Variants in PPM1A observed in about 807,000 individuals in gnomAD.
The protein encoded by PPM1A is protein phosphatase, Mg2+/Mn2+ dependent 1A, also known as protein phosphatase 1A.
In PPM1A, 7 loss-of-function variants were observed where a neutral mutation model predicts 35.0. The ratio of observed to expected loss-of-function variants is 0.20; its 90% confidence interval spans 0.11 to 0.38. The LOEUF (loss-of-function observed/expected upper bound fraction) is 0.38. PPM1A is among the 10% of genes least tolerant of loss of function. The probability of loss-of-function intolerance (pLI) is 1.00; values close to 1 mark genes in which losing one functional copy is unlikely to be tolerated. For synonymous variants in PPM1A, 153 were observed against 167.3 expected, an observed-to-expected ratio of 0.91 and a Z score of 0.66; for missense variants, 239 against 467.8, an observed-to-expected ratio of 0.51 and a Z score of 4.51.
intron 2 of PPM1A, among the ~76,000 whole-genome samples, chr14:60,285,044 A>G (rs1376244015): frequency 1.3e-5 from 2 of 152,138 alleles, no homozygotes; most frequent in African/African-American, 2.4e-5. Flanking sequence ...GTAGTTCCTA[A>G]AAGTTGTCAG....
At chr14:60,287,966 A>G (rs965608221) in intron 3 of PPM1A, 3 of 983,840 alleles carry the variant, frequency 3.0e-6, no homozygotes, top group African/African-American at 1.7e-5. Flanking sequence ...TGGATCTTCT[A>G]TATATAAATA....
At chr14:60,247,010 G>A (rs535760579), upstream of PPM1A, among the ~76,000 whole-genome samples, 2 of 152,246 alleles carry the variant, frequency 1.3e-5, no homozygotes, top group South Asian at 4.1e-4. Flanking sequence ...GTTTTCTATG[G>A]TCCACTACCG....
At chr14:60,280,445 C>T (rs1313995917) in intron 1 of PPM1A, among the ~76,000 whole-genome samples, 1 of 152,260 alleles carries the variant, frequency 6.6e-6, no homozygotes, top group Non-Finnish European at 1.5e-5. Flanking sequence ...GTACTTCATG[C>T]TATTGGTGAA....
chr14:60,286,851 AT>A (rs1324268725), intron 3 of PPM1A: 12 of 983,546 alleles, frequency 1.2e-5, no homozygotes, highest in Admixed American at 1.2e-4. Flanking sequence ...TATTGCATTC[AT>A]TGGACGTACT....
Position 60,289,261 on chromosome 14 carries a change from A to G in PPM1A, c.953-545A>G, listed in dbSNP as rs184471091. Among the ~76,000 whole-genome samples the G allele has an allele frequency of 2.6e-5, 4 of 152,294 alleles. No homozygotes were observed. The East Asian group carries it at 7.7e-4, about 29-fold the overall frequency. On this transcript the variant is annotated intron_variant, in intron 3 of 5. Transcript: ENST00000395076. This position sits in a 1 kb window ranked among gnomAD's most constrained non-coding sequence, Gnocchi z 4.1. ...AGAGAAGAATTAAACTGAGACAGTGATGTTCAAGTACATAATCTGTGCATG... is the reference window on the plus strand; with the variant it reads ...AGAGAAGAATTAAACTGAGACAGTGGTGTTCAAGTACATAATCTGTGCATG...
chr14:60,291,741 C>T (rs1887653881), intron 5 of PPM1A, among the ~76,000 whole-genome samples: 1 of 150,424 alleles, frequency 6.6e-6, no homozygotes, highest in Admixed American at 6.6e-5. Context: ...GGTTTGCCTC[C>T]ACTACATGGT....
rs1416918015 is a variant in PPM1A at position 60,295,852 on chromosome 14, C to G, written c.*3370C>G. The G allele has an allele frequency of 1.3e-5, 2 of 151,660 alleles. No homozygotes were observed. Among genetic ancestry groups the G allele is most frequent in the Non-Finnish European group, 3.0e-5 (2 of 67,684 alleles). The allele number at this position is 151,660 out of a possible 1,614,324, so 9.4% of individuals were successfully genotyped here. Reference sequence around the variant, plus strand: ...GCCCTAAAGACCTTGTTTATACTTCCTTTACTCACCTGAAAACTGTTCTCC... The same window carrying G: ...GCCCTAAAGACCTTGTTTATACTTCGTTTACTCACCTGAAAACTGTTCTCC... On this transcript the variant is annotated 3_prime_UTR_variant, in exon 6 of 6. Transcript: ENST00000395076.
chr14:60,264,525 G>T (rs1015183322), intron 1 of PPM1A, among the ~76,000 whole-genome samples: 4 of 152,002 alleles, frequency 2.6e-5, no homozygotes, highest in African/African-American at 4.8e-5. Context: ...GTTTTATTTT[G>T]CCATACTTGA....
chr14:60,286,909 T>C, intron 3 of PPM1A: 1 of 947,614 alleles, frequency 1.1e-6, no homozygotes, highest in Non-Finnish European at 1.3e-6. Context: ...CTTGGAATTT[T>C]TATATTTTAA....
rs549455593 is a variant in PPM1A, at chr14:60,285,492, G to A, written c.835-132G>A. 1.2e-3 allele frequency: 1,053 copies of A among 899,136 alleles called. 2 individuals are homozygous for A. The highest frequency in any genetic ancestry group is 1.4e-3 in the Non-Finnish European group (858 of 592,220). The allele number at this position is 899,136 out of a possible 1,614,324, so 55.7% of individuals were successfully genotyped here. Reference sequence around the variant, plus strand: ...CACACGCACGCATGCGTGCACATATGTATTTTTTTCTCCCTGAAAGTAACA... The same window carrying A: ...CACACGCACGCATGCGTGCACATATATATTTTTTTCTCCCTGAAAGTAACA... On this transcript the variant is annotated intron_variant, in intron 2 of 5. Coordinates refer to ENST00000395076, the MANE Select transcript of PPM1A (RefSeq NM_021003.5).
In PPM1A at chr14:60,273,994, G is replaced by A. The variant is rs138902095; in HGVS notation, c.-20-8690G>A. Reference sequence around the variant, plus strand: ...GTTCTTGGTTTGTATTCACCTTGGTGGGTGATGGTGCCATTCACTGGTAAA... The same window carrying A: ...GTTCTTGGTTTGTATTCACCTTGGTAGGTGATGGTGCCATTCACTGGTAAA... On this transcript the variant is annotated intron_variant, in intron 1 of 5. Transcript: ENST00000395076. This position sits in a 1 kb window ranked among gnomAD's most constrained non-coding sequence, Gnocchi z 4.3. Among the ~76,000 whole-genome samples, 298 of 152,296 alleles carry A rather than the reference G, an allele frequency of 2.0e-3. 1 individual carries two copies. Among genetic ancestry groups the A allele is most frequent in the African/African-American group, 6.7e-3 (277 of 41,554 alleles).
upstream of PPM1A, among the ~76,000 whole-genome samples, chr14:60,248,315 T>C (rs539471413): frequency 6.6e-6 from 1 of 152,342 alleles, no homozygotes; most frequent in South Asian, 2.1e-4. Flanking sequence ...AAAATCCTGT[T>C]CCCTTAACCT....
intron 1 of PPM1A, among the ~76,000 whole-genome samples, chr14:60,265,330 A>C (rs1178037139): frequency 6.6e-6 from 1 of 152,140 alleles, no homozygotes; most frequent in Non-Finnish European, 1.5e-5. Context: ...TATTGGTTTC[A>C]AGCAGTGAGC....
intron 1 of PPM1A, among the ~76,000 whole-genome samples, chr14:60,257,043 G>A (rs536176953): frequency 3.4e-3 from 511 of 152,204 alleles, no homozygotes; most frequent in Middle Eastern, 6.8e-3. Flanking sequence ...TTTTCCCCAA[G>A]AAGAGCTATT....
chr14:60,282,859 G>A lies in PPM1A; in HGVS notation c.156G>A (p.Ser52=), dbSNP rs149289409. The change falls in exon 2 of 6, where the codon TCG becomes TCA. Residue 52 remains serine, a synonymous_variant. Coordinates refer to ENST00000395076, the MANE Select transcript of PPM1A (RefSeq NM_021003.5). The surrounding 1 kb of genome is among the most constrained non-coding windows in gnomAD (Gnocchi z 5.1). The stretch of plus-strand genomic sequence containing the variant: ...TCGGTTTGCCAAGTGGACTTGAATC[G>A]TGGTCATTCTTTGCTGTGTATGATG... ...AVIGLPSGLE[S]WSFFAVYDGH... The A allele has an allele frequency of 2.2e-5, 36 of 1,614,132 alleles. No individual in the cohort carries two copies. The African/African-American group carries it at 2.7e-4, about 12-fold the overall frequency.
In PPM1A at chr14:60,249,694, G is replaced by A; in HGVS notation, c.-21+17G>A. 1.0e-6 allele frequency: 1 copy of A among 983,836 alleles called. No homozygotes were observed. The highest frequency in any genetic ancestry group is 1.2e-6 in the Non-Finnish European group (1 of 829,318). The allele number at this position is 983,836 out of a possible 1,614,324, so 60.9% of individuals were successfully genotyped here. ...CTGCTCCGGGTAAGTGCGGCGCTCG[G>A]GCCGACGGCGGGCTGGCGGGCGGTG... On this transcript the variant is annotated intron_variant, in intron 1 of 5. Coordinates refer to ENST00000395076, the MANE Select transcript of PPM1A (RefSeq NM_021003.5). This position sits in a 1 kb window ranked among gnomAD's most constrained non-coding sequence, Gnocchi z 4.5.
intron 2 of PPM1A, among the ~76,000 whole-genome samples, chr14:60,285,164 T>C (rs1886857222): frequency 6.6e-6 from 1 of 152,210 alleles, no homozygotes; most frequent in Admixed American, 6.5e-5. Context: ...CAATTTATAA[T>C]TTATTTTAAA....
intron 1 of PPM1A, among the ~76,000 whole-genome samples, chr14:60,266,395 C>T (rs10136500): frequency 0.075 from 11,443 of 151,948 alleles, 722 homozygotes; most frequent in African/African-American, 0.18. Flanking sequence ...TTTCTTATTC[C>T]TTTGGAATCA....
At chr14:60,254,481 T>C (rs1461076755) in intron 1 of PPM1A, among the ~76,000 whole-genome samples, 1 of 151,882 alleles carries the variant, frequency 6.6e-6, no homozygotes, top group Non-Finnish European at 1.5e-5. Flanking sequence ...TGAAGAGGAG[T>C]TACAGTTTAT....
Sources: allele counts gnomAD v4.1 joint callset (sites outside exome capture counted in the v4.1 genomes callset), GRCh38; gene constraint gnomAD v4.1.1; non-coding constraint Gnocchi (gnomAD v3.1); transcripts MANE v1.5; gene names NCBI Gene and HGNC (gene_info 2026-07-23, HGNC 2026-07-21).